RIT2: variants seen among roughly 807,000 people sequenced by gnomAD.
RIT2 encodes the protein Ras like without CAAX 2, also known as GTP-binding protein Rit2.
A neutral mutation model predicts 23.7 loss-of-function variants in RIT2; 24 were observed. The ratio of observed to expected loss-of-function variants is 1.01; its 90% CI spans 0.73 to 1.43. RIT2 has a LOEUF of 1.43. RIT2 is among the 40% of genes most tolerant of loss of function. The pLI is 0.00. For missense variants in RIT2, 236 were observed against 266.9 expected (o/e 0.88, Z 0.81); for synonymous variants, 107 against 91.1 (o/e 1.17, Z -0.99).
intron 3 of RIT2, among the ~76,000 whole-genome samples, chr18:42,957,579 T>C (rs1202556390): frequency 1.3e-5 from 2 of 151,776 alleles, no homozygotes. Flanking sequence ...AGGTCAGGAG[T>C]TCAAGACCAG....
At chr18:42,825,438 A>T (rs975682040) in intron 4 of RIT2, among the ~76,000 whole-genome samples, 2 of 151,782 alleles carry the variant, frequency 1.3e-5, no homozygotes, top group Non-Finnish European at 3.0e-5. Context: ...ACCTATAAAA[A>T]TTTTTCTTAA....
At chr18:42,757,606 G>A (rs1485115649) in intron 4 of RIT2, among the ~76,000 whole-genome samples, 2 of 152,122 alleles carry the variant, frequency 1.3e-5, no homozygotes, top group Admixed American at 6.5e-5. Context: ...TTACACACAC[G>A]GAGACAGGCA....
At position 42,993,301 on chromosome 18, in the gene RIT2, C is replaced by A. The variant is rs147556463; in HGVS notation, c.161-19154G>T. 2.6e-5 allele frequency among the ~76,000 whole-genome samples: 4 copies of A among 152,276 alleles called. No homozygotes were observed. In the South Asian group the frequency reaches 8.3e-4, roughly 32 times the overall value. On this transcript the variant is annotated intron_variant, in intron 2 of 4. Transcript: ENST00000326695. ...AGAGTCCCTGGAACTCTGGCCCAAG[C>A]CTCTCTGATTGACTCCTTCCCAGAT...
intron 4 of RIT2, among the ~76,000 whole-genome samples, chr18:42,903,240 T>A (rs1263659831): frequency 6.6e-6 from 1 of 152,032 alleles, no homozygotes; most frequent in Non-Finnish European, 1.5e-5. Flanking sequence ...AAACTCTATG[T>A]AATACATTTA....
At chr18:42,859,934 G>C (rs1907282910) in intron 4 of RIT2, among the ~76,000 whole-genome samples, 1 of 151,364 alleles carries the variant, frequency 6.6e-6, no homozygotes, top group Non-Finnish European at 1.5e-5. Flanking sequence ...CTATGAATAT[G>C]TCAGAAATTT....
chr18:42,774,281 T>TC (rs897121742), intron 4 of RIT2, among the ~76,000 whole-genome samples: 1 of 152,092 alleles, frequency 6.6e-6, no homozygotes, highest in East Asian at 1.9e-4. Flanking sequence ...CATTGCTTTT[T>TC]CCCCCACTCT....
At chr18:43,022,634 T>C (rs1296799889) in intron 2 of RIT2, among the ~76,000 whole-genome samples, 1 of 152,084 alleles carries the variant, frequency 6.6e-6, no homozygotes, top group Non-Finnish European at 1.5e-5. Context: ...CTCCTGACAT[T>C]TATTTATTGG....
intron 2 of RIT2, among the ~76,000 whole-genome samples, chr18:43,028,635 C>T (rs1568060614): frequency 6.6e-6 from 1 of 151,996 alleles, no homozygotes; most frequent in Non-Finnish European, 1.5e-5. Flanking sequence ...TACTGGAGCA[C>T]TTATTCTGAC....
intron 1 of RIT2, among the ~76,000 whole-genome samples, chr18:43,081,333 C>T (rs1913152915): frequency 6.6e-6 from 1 of 152,072 alleles, no homozygotes; most frequent in African/African-American, 2.4e-5. Context: ...ATTTTTTAAG[C>T]TTCATAATAA....
intron 4 of RIT2, among the ~76,000 whole-genome samples, chr18:42,851,584 G>A (rs1429991151): frequency 1.3e-5 from 2 of 152,134 alleles, no homozygotes; most frequent in Non-Finnish European, 2.9e-5. Context: ...TGGGCGCATG[G>A]CTCAGGCCTG....
chr18:43,040,477 T>G (rs1912102124), intron 1 of RIT2, among the ~76,000 whole-genome samples: 1 of 152,180 alleles, frequency 6.6e-6, no homozygotes, highest in South Asian at 2.1e-4. Context: ...CTTTCCCAGA[T>G]CCTCTCATCA....
At chr18:43,041,230 G>A (rs530128020) in intron 1 of RIT2, among the ~76,000 whole-genome samples, 1 of 152,158 alleles carries the variant, frequency 6.6e-6, no homozygotes, top group East Asian at 1.9e-4. Flanking sequence ...AAAGTGAAGA[G>A]TGTGTATGAG....
chr18:42,991,109 A>G (rs1910837034), intron 2 of RIT2, among the ~76,000 whole-genome samples: 1 of 152,136 alleles, frequency 6.6e-6, no homozygotes, highest in Non-Finnish European at 1.5e-5. Context: ...CAGGAAAATC[A>G]TGATATTGGA....
At chr18:42,995,135 G>A (rs1033163583) in intron 2 of RIT2, among the ~76,000 whole-genome samples, 2 of 152,052 alleles carry the variant, frequency 1.3e-5, no homozygotes, top group Non-Finnish European at 2.9e-5. Context: ...ACCAGCAAAG[G>A]CAGGCTATGC....
chr18:43,055,339 T>C (rs1912475466), intron 1 of RIT2, among the ~76,000 whole-genome samples: 1 of 151,994 alleles, frequency 6.6e-6, no homozygotes, highest in Non-Finnish European at 1.5e-5. Context: ...GGATGTCTGG[T>C]GATGAAAACA....
chr18:42,802,539 C>T (rs1905568868), intron 4 of RIT2, among the ~76,000 whole-genome samples: 1 of 152,018 alleles, frequency 6.6e-6, no homozygotes. Flanking sequence ...ATCATCATTT[C>T]CTGTTTGCAC....
chr18:42,795,713 A>T (rs1277271423), intron 4 of RIT2, among the ~76,000 whole-genome samples: 2 of 152,232 alleles, frequency 1.3e-5, no homozygotes. Flanking sequence ...GGGGCCTTGG[A>T]GAACCTTTAT....
intron 3 of RIT2, among the ~76,000 whole-genome samples, chr18:42,945,650 A>T (rs906064238): frequency 6.6e-6 from 1 of 152,132 alleles, no homozygotes; most frequent in African/African-American, 2.4e-5. Flanking sequence ...TAATGTCATC[A>T]TTTTGTACTG....
At chr18:42,891,534 A>G (rs1355968602) in intron 4 of RIT2, among the ~76,000 whole-genome samples, 1 of 152,190 alleles carries the variant, frequency 6.6e-6, no homozygotes, top group Non-Finnish European at 1.5e-5. Flanking sequence ...AAACCATGGT[A>G]TATCCAGACA....
Sources: allele counts gnomAD v4.1 joint callset (sites outside exome capture counted in the v4.1 genomes callset), GRCh38; gene constraint gnomAD v4.1.1; transcripts MANE v1.5; gene names NCBI Gene and HGNC (gene_info 2026-07-23, HGNC 2026-07-21).